Variants in USH2A observed in about 807,000 individuals in gnomAD.
USH2A encodes usherin.
A neutral mutation model predicts 538.9 loss-of-function variants in USH2A; 443 were observed. That is an observed-to-expected ratio of 0.82 (90% confidence interval 0.76 to 0.89). The LOEUF (loss-of-function observed/expected upper bound fraction) is 0.89. Among genes scored for constraint, USH2A ranks in the 40% least tolerant of loss-of-function variants. The pLI is 0.00. For synonymous variants in USH2A, 2,413 were observed against 2,273.5 expected, an observed-to-expected ratio of 1.06 and a Z score of -1.75; for missense variants, 6,633 against 6,324.8, an observed-to-expected ratio of 1.05 and a Z score of -1.65.
rs1661141218 is a variant in USH2A at position 215,766,757 on chromosome 1, A to C, written c.10971T>G (p.Thr3657=). Residue 3657 remains threonine (T), a synonymous_variant, in exon 56 of 72, where the codon ACT becomes ACG. Coordinates refer to ENST00000307340, the MANE Select transcript of USH2A (RefSeq NM_206933.4). ...GLQPYTNYSF[T]LTACTSAGCT... ...ACCCAGCAGATGTACAAGCTGTAAG[A>C]GTGAAGCTGTAGTTGGTGTATGGCT... The C allele has an allele frequency of 6.2e-7, 1 of 1,613,646 alleles. No homozygotes were observed. The highest frequency in any genetic ancestry group is 8.5e-7 in the Non-Finnish European group (1 of 1,179,622).
chr1:216,382,416 C>A (rs183951523), intron 3 of USH2A, among the ~76,000 whole-genome samples: 1 of 152,246 alleles, frequency 6.6e-6, no homozygotes, highest in Admixed American at 6.5e-5. Context: ...CAATTAAAGA[C>A]TAGACAGCTC....
intron 47 of USH2A, among the ~76,000 whole-genome samples, chr1:215,818,718 G>C (rs12141208): frequency 0.021 from 3,152 of 151,854 alleles, 47 homozygotes; most frequent in Non-Finnish European, 0.028. Flanking sequence ...AGACAACCCT[G>C]AATAAAATGA....
intron 58 of USH2A, among the ~76,000 whole-genome samples, chr1:215,746,588 A>G (rs549167223): frequency 8.5e-5 from 13 of 152,314 alleles, no homozygotes; most frequent in African/African-American, 3.1e-4. Context: ...TAGGTTAAAA[A>G]TGATCTTACT....
chr1:216,089,171 A>C, intron 22 of USH2A, 32 bp from the exon 23 acceptor site: 1 of 1,600,846 alleles, frequency 6.2e-7, no homozygotes, highest in Non-Finnish European at 8.5e-7. Context: ...ATAAATGTTT[A>C]TACATGCATA....
chr1:215,655,725 C>CTTTTTTTTTTTTTTTTTCT (rs1657225273), intron 64 of USH2A, among the ~76,000 whole-genome samples: 1 of 96,172 alleles, frequency 1.0e-5, no homozygotes, highest in African/African-American at 3.9e-5. Context: ...GCTAGTTATT[C>CTTTTTTTTTTTTTTTTTCT]TTTTTTTTTT....
chr1:216,349,209 C>T (rs1265916184), intron 4 of USH2A, among the ~76,000 whole-genome samples: 1 of 152,056 alleles, frequency 6.6e-6, no homozygotes, highest in Admixed American at 6.6e-5. Flanking sequence ...ATCCCAAAGA[C>T]AAGAGACCCT....
rs753188233 is a variant in USH2A at position 216,199,674 on chromosome 1, C to T, written c.3764G>A (p.Ser1255Asn). 2 of 1,614,106 alleles carry T rather than the reference C, an allele frequency of 1.2e-6. No homozygotes were observed. Among genetic ancestry groups the T allele is most frequent in the Non-Finnish European group, 1.7e-6 (2 of 1,179,988 alleles). Residue 1255 changes from serine (S) to asparagine (N), a missense_variant, in exon 17 of 72, where the codon AGT (serine) becomes AAT (asparagine). Physicochemically the swap from Ser to Asn is conservative, Grantham distance 46. Transcript: ENST00000307340. ...RLSPPKMQKISSTELHVEWSP... is the reference protein window; with the variant it reads ...RLSPPKMQKINSTELHVEWSP... Reference sequence around the variant, plus strand: ...CCATTCTACATGAAGTTCTGTAGAACTGATTTTCTGCATCTTAGGTGGACT... The same window carrying T: ...CCATTCTACATGAAGTTCTGTAGAATTGATTTTCTGCATCTTAGGTGGACT...
chr1:215,836,511 TA>T (rs1663516192), intron 47 of USH2A, among the ~76,000 whole-genome samples: 2 of 32,064 alleles, frequency 6.2e-5, no homozygotes, highest in African/African-American at 1.0e-4. Flanking sequence ...ATATATTATA[TA>T]TATATAATAT....
At chr1:216,404,228 C>T (rs2039354793) in intron 3 of USH2A, among the ~76,000 whole-genome samples, 1 of 149,162 alleles carries the variant, frequency 6.7e-6, no homozygotes, top group Non-Finnish European at 1.5e-5. Context: ...CACTCCAAAT[C>T]CATCTATAGA....
At chr1:215,901,219 T>C in intron 38 of USH2A, 3 of 395,964 alleles carry the variant, frequency 7.6e-6, no homozygotes, top group South Asian at 4.3e-5. Context: ...GAAGCAAATA[T>C]TAAAGTACCT....
chr1:216,002,716 T>C lies in USH2A; in HGVS notation c.6326-2154A>G, dbSNP rs536449907. On this transcript the variant is annotated intron_variant, in intron 32 of 71. Coordinates refer to ENST00000307340, the MANE Select transcript of USH2A (RefSeq NM_206933.4). The stretch of plus-strand genomic sequence containing the variant: ...TGGAGTGGGATAGGTTTTCCTTCTT[T>C]CTTACATTCTACTTTGCTGGGGTGG... 2.0e-5 allele frequency among the ~76,000 whole-genome samples: 3 copies of C among 152,220 alleles called. No individual in the cohort carries two copies. In the East Asian group the frequency reaches 5.8e-4, roughly 29 times the overall value.
intron 32 of USH2A, among the ~76,000 whole-genome samples, chr1:216,042,234 C>A (rs905113533): frequency 2.0e-4 from 30 of 152,076 alleles, no homozygotes; most frequent in African/African-American, 7.2e-4. Flanking sequence ...ATTTTGTTAA[C>A]ATGAATAAAG....
chr1:215,773,351 C>T (rs1661346601), intron 55 of USH2A, among the ~76,000 whole-genome samples: 1 of 151,992 alleles, frequency 6.6e-6, no homozygotes, highest in Non-Finnish European at 1.5e-5. Flanking sequence ...ACCAGCCTTC[C>T]CCTCCCACTA....
chr1:215,882,973 A>G (rs1664955107), intron 41 of USH2A, among the ~76,000 whole-genome samples: 1 of 152,170 alleles, frequency 6.6e-6, no homozygotes, highest in Non-Finnish European at 1.5e-5. Flanking sequence ...TTTAATCATT[A>G]TTGATATACT....
chr1:215,921,309 C>A (rs189329233), intron 38 of USH2A, among the ~76,000 whole-genome samples: 2 of 152,072 alleles, frequency 1.3e-5, no homozygotes, highest in East Asian at 3.9e-4. Context: ...GGTTTCTTTG[C>A]CTTCTCCACA....
intron 37 of USH2A, among the ~76,000 whole-genome samples, chr1:215,947,254 G>A (rs1231207025): frequency 6.6e-6 from 1 of 152,018 alleles, no homozygotes; most frequent in Non-Finnish European, 1.5e-5. Context: ...ATGTCACCCA[G>A]ACTGGTCTCA....
chr1:215,835,883 CCTCT>C (rs1355627100), intron 47 of USH2A, among the ~76,000 whole-genome samples: 19 of 151,956 alleles, frequency 1.3e-4, no homozygotes, highest in Admixed American at 1.2e-3. Context: ...GTTGTTGTCT[CCTCT>C]CTCACTTTCC....
chr1:216,321,844 A>AT (rs751684256), intron 9 of USH2A, 39 bp downstream of exon 9: 2,807 of 1,383,256 alleles, frequency 2.0e-3, no homozygotes, highest in Non-Finnish European at 2.5e-3. Context: ...CATCTCTACT[A>AT]TTTTTTTTTT....
rs138866017 is a variant in USH2A at position 215,675,496 on chromosome 1, C to G, written c.12415G>C (p.Gly4139Arg). Reference protein sequence around the residue: ...TLTLEACTRAGCAHSAPQPLW... With the variant: ...TLTLEACTRARCAHSAPQPLW... ...GGCTGAGGCGCCGAGTGTGCACAAC[C>G]TGCTCTGGTGCAGGCCTCCAGGGTC... Residue 4139 changes from glycine (G) to arginine (R), a missense_variant, in exon 63 of 72, where the codon GGT becomes CGT. By Grantham distance (125) the Gly-to-Arg change is moderately radical (BLOSUM62 -2). Coordinates refer to ENST00000307340, the MANE Select transcript of USH2A (RefSeq NM_206933.4). 1 of 1,613,984 alleles carries G rather than the reference C, an allele frequency of 6.2e-7. No homozygotes were observed. Among genetic ancestry groups the G allele is most frequent in the Non-Finnish European group, 8.5e-7 (1 of 1,180,014 alleles).
Sources: gnomAD v4.1 joint callset for allele counts (sites outside exome capture counted in the v4.1 genomes callset) on GRCh38, gnomAD v4.1.1 for gene constraint, MANE v1.5 for transcripts, NCBI Gene and HGNC (gene_info 2026-07-23, HGNC 2026-07-21) for gene names.